DLG2: variants seen among roughly 807,000 people sequenced by gnomAD.
DLG2 encodes discs large MAGUK scaffold protein 2, also known as disks large homolog 2.
A neutral mutation model predicts 132.5 loss-of-function variants in DLG2; 45 were observed. The observed-to-expected ratio is 0.34, with a 90% confidence interval of 0.27 to 0.44. The LOEUF is 0.44. DLG2 is among the 20% of genes least tolerant of loss of function. DLG2 has a pLI of 1.00. For synonymous variants in DLG2, 424 were observed against 419.6 expected, an observed-to-expected ratio of 1.01 and a Z score of -0.13; for missense variants, 1,045 against 1,196.9, an observed-to-expected ratio of 0.87 and a Z score of 1.87.
chr11:83,706,663 G>A (rs779532687), intron 18 of DLG2, among the ~76,000 whole-genome samples: 12 of 152,228 alleles, frequency 7.9e-5, no homozygotes, highest in African/African-American at 1.4e-4. Flanking sequence ...AGGGATGGAG[G>A]AGAGCTCTAC....
At chr11:84,981,519 A>T (rs1345228109) in intron 6 of DLG2, among the ~76,000 whole-genome samples, 1 of 152,088 alleles carries the variant, frequency 6.6e-6, no homozygotes, top group Non-Finnish European at 1.5e-5. Context: ...CTCTGATTGG[A>T]GGTCTATAGG....
chr11:84,813,268 G>A (rs965169491), intron 6 of DLG2, among the ~76,000 whole-genome samples: 13 of 152,064 alleles, frequency 8.5e-5, no homozygotes, highest in African/African-American at 3.1e-4. Context: ...AACACTATGA[G>A]AGGTTGCCAT....
chr11:84,263,270 ATC>A (rs1479685453), intron 7 of DLG2, among the ~76,000 whole-genome samples: 1 of 152,002 alleles, frequency 6.6e-6, no homozygotes, highest in African/African-American at 2.4e-5. Flanking sequence ...CTGGGAAATG[ATC>A]TCTGTTTTTA....
chr11:83,808,582 C>T (rs1216809162), intron 17 of DLG2, among the ~76,000 whole-genome samples: 1 of 152,144 alleles, frequency 6.6e-6, no homozygotes, highest in Non-Finnish European at 1.5e-5. Flanking sequence ...TGTGACTAGC[C>T]CTTGCTGTTC....
At chr11:85,173,588 G>A (rs965093067) in intron 4 of DLG2, among the ~76,000 whole-genome samples, 1 of 152,140 alleles carries the variant, frequency 6.6e-6, no homozygotes, top group African/African-American at 2.4e-5. Flanking sequence ...TAAGTAACCA[G>A]CTAGCATCAT....
intron 3 of DLG2, among the ~76,000 whole-genome samples, chr11:85,382,477 A>G (rs576923876): frequency 2.2e-3 from 331 of 152,236 alleles, no homozygotes; most frequent in African/African-American, 7.7e-3. Flanking sequence ...TCTTAGACAC[A>G]TCAAAAGCAT....
chr11:84,150,555 T>C (rs2095261691), intron 9 of DLG2, among the ~76,000 whole-genome samples: 1 of 152,202 alleles, frequency 6.6e-6, no homozygotes, highest in Non-Finnish European at 1.5e-5. Flanking sequence ...TTCTATTCTC[T>C]CAGTAAAGAG....
intron 9 of DLG2, among the ~76,000 whole-genome samples, chr11:84,147,816 C>A (rs2095141382): frequency 1.3e-5 from 2 of 152,000 alleles, no homozygotes; most frequent in African/African-American, 2.4e-5. Context: ...GTCAAATAAT[C>A]ATAGCCTAAA....
chr11:83,850,160 G>GTGTTT (rs1452960432), intron 16 of DLG2, among the ~76,000 whole-genome samples: 4 of 124,372 alleles, frequency 3.2e-5, no homozygotes, highest in African/African-American at 1.4e-4. Context: ...GTGTGTGTGT[G>GTGTTT]TTTTTTTACT....
At chr11:84,822,924 T>C (rs566524188) in intron 6 of DLG2, among the ~76,000 whole-genome samples, 26 of 152,058 alleles carry the variant, frequency 1.7e-4, no homozygotes, top group African/African-American at 6.3e-4. Context: ...CCTTGTAAAA[T>C]AATGAAGCCT....
At chr11:85,067,315 T>C (rs922578576) in intron 6 of DLG2, among the ~76,000 whole-genome samples, 2 of 151,906 alleles carry the variant, frequency 1.3e-5, no homozygotes, top group South Asian at 2.1e-4. Flanking sequence ...TCATTGATTT[T>C]TTGAAGGGTT....
intron 18 of DLG2, among the ~76,000 whole-genome samples, chr11:83,772,521 G>A (rs1233683874): frequency 2.0e-5 from 3 of 149,728 alleles, no homozygotes; most frequent in Non-Finnish European, 4.5e-5. Context: ...AGGGAAGAAG[G>A]AAGGAAGGAG....
chr11:84,061,430 C>T (rs1437762744), intron 10 of DLG2, among the ~76,000 whole-genome samples: 1 of 152,150 alleles, frequency 6.6e-6, no homozygotes, highest in Non-Finnish European at 1.5e-5. Context: ...AACTTATTAT[C>T]TACATTATAG....
At chr11:85,137,906 C>T (rs2076229390) in intron 5 of DLG2, among the ~76,000 whole-genome samples, 1 of 151,878 alleles carries the variant, frequency 6.6e-6, no homozygotes, top group Non-Finnish European at 1.5e-5. Context: ...TTAGGATCAA[C>T]TGAAAAAAGA....
In DLG2 at chr11:85,203,605, C is replaced by T. The variant is rs577946380; in HGVS notation, c.187-48954G>A. ...CTGATGGCTTCACTGCTGACCTCTA[C>T]CAAACATTTAAAGAAGAACTAACAC... On this transcript the variant is annotated intron_variant, in intron 4 of 27. Coordinates refer to ENST00000376104, the MANE Select transcript of DLG2 (RefSeq NM_001142699.3). 6.4e-4 allele frequency among the ~76,000 whole-genome samples: 98 copies of T among 152,116 alleles called. 1 individual carries two copies. The highest frequency in any genetic ancestry group is 2.3e-3 in the African/African-American group (94 of 41,538).
intron 3 of DLG2, chr11:85,525,063 C>G (rs1167743848): frequency 6.6e-6 from 1 of 152,064 alleles, no homozygotes; most frequent in Non-Finnish European, 1.5e-5. Context: ...AAAATTATAA[C>G]ATTTGTCAAA....
chr11:83,615,293 A>C (rs1217258175), intron 19 of DLG2, among the ~76,000 whole-genome samples: 1 of 152,246 alleles, frequency 6.6e-6, no homozygotes, highest in Non-Finnish European at 1.5e-5. Context: ...CAGGCACTTT[A>C]CAAGGCAATT....
intron 18 of DLG2, among the ~76,000 whole-genome samples, chr11:83,674,375 CA>C (rs2077342324): frequency 6.6e-6 from 1 of 152,190 alleles, no homozygotes; most frequent in African/African-American, 2.4e-5. Context: ...GAACTCAACA[CA>C]CTTACTGATA....
intron 7 of DLG2, among the ~76,000 whole-genome samples, chr11:84,265,329 T>C (rs1250062591): frequency 6.6e-6 from 1 of 152,208 alleles, no homozygotes; most frequent in Non-Finnish European, 1.5e-5. Flanking sequence ...CACATGATTT[T>C]GTTAGACTTC....
Sources: allele counts gnomAD v4.1 joint callset (sites outside exome capture counted in the v4.1 genomes callset), GRCh38; gene constraint gnomAD v4.1.1; transcripts MANE v1.5; gene names NCBI Gene and HGNC (gene_info 2026-07-23, HGNC 2026-07-21).